PLA2R1: variants seen among roughly 807,000 people sequenced by gnomAD.
PLA2R1 encodes phospholipase A2 receptor 1, also known as secretory phospholipase A2 receptor.
Under a neutral mutation model 195.9 loss-of-function variants are expected in PLA2R1, and 158 were observed. That is an observed-to-expected ratio of 0.81 (90% CI 0.71 to 0.92). The LOEUF (loss-of-function observed/expected upper bound fraction) is 0.92. Among genes scored for constraint, PLA2R1 ranks in the 40% least tolerant of loss-of-function variants. PLA2R1 has a pLI of 0.00. For synonymous variants in PLA2R1, 586 were observed against 598.2 expected, an observed-to-expected ratio of 0.98 and a Z score of 0.30; for missense variants, 1,626 against 1,764.6, an observed-to-expected ratio of 0.92 and a Z score of 1.41.
At position 160,045,161 on chromosome 2, in the gene PLA2R1, A is replaced by G. The variant is rs1291565846; in HGVS notation, c.110-4T>C. 2 of 1,583,766 alleles carry G rather than the reference A, an allele frequency of 1.3e-6. No individual in the cohort carries two copies. Among genetic ancestry groups the G allele is most frequent in the Non-Finnish European group, 1.7e-6 (2 of 1,160,918 alleles). Reference sequence around the variant, plus strand: ...TGGATAACAAATATTCCTTTATCTGAAACAAAAATCAAAGATGTGGCATGA... The same window carrying G: ...TGGATAACAAATATTCCTTTATCTGGAACAAAAATCAAAGATGTGGCATGA... On this transcript the variant is annotated splice_polypyrimidine_tract_variant and splice_region_variant and intron_variant, in intron 1 of 29. Coordinates refer to ENST00000283243, the MANE Select transcript of PLA2R1 (RefSeq NM_007366.5).
chr2:159,995,997 CATCT>C (rs781310768), intron 11 of PLA2R1, among the ~76,000 whole-genome samples: 26 of 152,146 alleles, frequency 1.7e-4, no homozygotes, highest in East Asian at 7.7e-4. Flanking sequence ...ATCTATCTGT[CATCT>C]ATCTATCTAT....
chr2:160,018,170 T>C (rs998052177), intron 8 of PLA2R1, among the ~76,000 whole-genome samples: 3 of 152,150 alleles, frequency 2.0e-5, no homozygotes, highest in Non-Finnish European at 4.4e-5. Context: ...GGCAGCATTG[T>C]CCTGACATAT....
chr2:159,946,091 G>A (rs1687371837), intron 27 of PLA2R1: 1 of 863,220 alleles, frequency 1.2e-6, no homozygotes, highest in Non-Finnish European at 1.4e-6. Flanking sequence ...GGCGGTAGGA[G>A]AGTCCATCCC....
intron 11 of PLA2R1, among the ~76,000 whole-genome samples, chr2:159,989,249 T>C (rs1261568312): frequency 2.6e-5 from 4 of 152,218 alleles, no homozygotes; most frequent in Non-Finnish European, 5.9e-5. Flanking sequence ...AATGGAGCTT[T>C]GCAGGCCTGT....
intron 4 of PLA2R1, among the ~76,000 whole-genome samples, chr2:160,031,989 A>G (rs1204249972): frequency 1.3e-5 from 2 of 151,410 alleles, no homozygotes; most frequent in Admixed American, 1.3e-4. Context: ...CTGGTCTTGA[A>G]CTCTTGGCCT....
chr2:160,018,907 AT>A (rs1247973208), intron 8 of PLA2R1, among the ~76,000 whole-genome samples: 4 of 152,250 alleles, frequency 2.6e-5, no homozygotes, highest in South Asian at 2.1e-4. Context: ...CATCAGTAAC[AT>A]TTAATAAACT....
chr2:159,996,878 G>GT (rs966618966), intron 11 of PLA2R1, among the ~76,000 whole-genome samples: 29 of 151,668 alleles, frequency 1.9e-4, no homozygotes, highest in East Asian at 5.8e-4. Context: ...ATTTCTTTTT[G>GT]TTTTTTTTCT....
chr2:160,032,483 A>C (rs1163890395), intron 4 of PLA2R1, among the ~76,000 whole-genome samples: 1 of 152,194 alleles, frequency 6.6e-6, no homozygotes. Flanking sequence ...TAGTTAACAT[A>C]TATGTGCTTT....
In PLA2R1 at chr2:159,949,690, G is replaced by A. The variant is rs374812046; in HGVS notation, c.3627C>T (p.Cys1209=). 1.2e-5 allele frequency: 19 copies of A among 1,613,562 alleles called. No individual in the cohort carries two copies. The highest frequency in any genetic ancestry group is 3.3e-5 in the South Asian group (3 of 91,070). The change falls in exon 25 of 30, where the codon TGC becomes TGT. Residue 1209 remains cysteine (C), a synonymous_variant. Coordinates refer to ENST00000283243, the MANE Select transcript of PLA2R1 (RefSeq NM_007366.5). ...KDEESSLLGD[C]VFADSNGRWH... ...AGCGTCCGTTGCTGTCGGCAAAAAC[G>A]CAGTCACCAAGGAGGGAGGACTCCT... is the stretch of plus-strand genomic sequence containing the variant.
At chr2:159,952,752 C>T (rs1687827476) in intron 23 of PLA2R1, among the ~76,000 whole-genome samples, 1 of 152,182 alleles carries the variant, frequency 6.6e-6, no homozygotes, top group Admixed American at 6.5e-5. Flanking sequence ...TATGGAGACA[C>T]AGAAAGCATC....
downstream of PLA2R1, among the ~76,000 whole-genome samples, chr2:159,930,551 T>G (rs1038700555): frequency 2.0e-5 from 3 of 152,140 alleles, no homozygotes; most frequent in African/African-American, 7.2e-5. Flanking sequence ...TGGAAATTAT[T>G]AGATCCTCCT....
intron 11 of PLA2R1, among the ~76,000 whole-genome samples, chr2:160,005,225 T>C (rs1691893261): frequency 6.6e-6 from 1 of 152,022 alleles, no homozygotes; most frequent in African/African-American, 2.4e-5. Context: ...GAGGCCAAGG[T>C]GGGAGGATTG....
At chr2:160,016,475 G>T (rs1219882751) in intron 9 of PLA2R1, 139 bp downstream of exon 9, 3 of 586,132 alleles carry the variant, frequency 5.1e-6, no homozygotes, top group South Asian at 3.9e-5. Flanking sequence ...GAAAGAAGGG[G>T]GGGGTGCGAG....
intron 7 of PLA2R1, among the ~76,000 whole-genome samples, chr2:160,020,889 A>G (rs1693063317): frequency 6.6e-6 from 1 of 152,182 alleles, no homozygotes; most frequent in South Asian, 2.1e-4. Flanking sequence ...TAGGCCTTAT[A>G]AGTGAGGCAG....
intron 20 of PLA2R1, among the ~76,000 whole-genome samples, chr2:159,965,802 T>C (rs1210575339): frequency 1.3e-5 from 2 of 152,172 alleles, no homozygotes; most frequent in Non-Finnish European, 2.9e-5. Flanking sequence ...CTTGCCAGCA[T>C]GTAGTGTTGT....
In PLA2R1 at chr2:160,005,649, C is replaced by CA. The variant is rs1411323112; in HGVS notation, c.1834+2dup. ...GGTTGGTGATGCAGCACACTCTACT[C>CA]ACGCGGCTGGTGTGTGTTCCAGTGT... On this transcript the variant is annotated splice_region_variant and intron_variant, in intron 11 of 29. Transcript: ENST00000283243. 6.2e-7 allele frequency: 1 copy of CA among 1,612,196 alleles called. No homozygotes were observed. The highest frequency in any genetic ancestry group is 8.5e-7 in the Non-Finnish European group (1 of 1,178,808).
At chr2:159,980,324 C>G (rs1418474959) in intron 13 of PLA2R1, among the ~76,000 whole-genome samples, 2 of 152,144 alleles carry the variant, frequency 1.3e-5, no homozygotes, top group African/African-American at 4.8e-5. Flanking sequence ...GCCTTTCAGT[C>G]AGGACAAGAA....
Position 159,949,738 on chromosome 2 carries a change from A to C in PLA2R1, c.3579T>G (p.Ser1193=), listed in dbSNP as rs1166751391. The C allele has an allele frequency of 6.2e-7, 1 of 1,613,966 alleles. No individual in the cohort carries two copies. Among genetic ancestry groups the C allele is most frequent in the East Asian group, 2.2e-5 (1 of 44,878 alleles). The part of the protein sequence containing the change: ...LNFDWSDGTK[S]SFTFWKDEES... Reference sequence around the variant, plus strand: ...CCTCATCTTTCCAAAAAGTGAAAGAAGATTTGGTGCCATCAGACCAGTCAA... The same window carrying C: ...CCTCATCTTTCCAAAAAGTGAAAGACGATTTGGTGCCATCAGACCAGTCAA... The change falls in exon 25 of 30, where the codon TCT becomes TCG. Residue 1193 remains serine, a synonymous_variant. Transcript: ENST00000283243.
chr2:160,013,666 CCTCTCTCTTTCTCTCT>C (rs1341666752), intron 9 of PLA2R1, among the ~76,000 whole-genome samples: 2 of 95,108 alleles, frequency 2.1e-5, no homozygotes, highest in Admixed American at 2.1e-4. Flanking sequence ...AAGATCTCTA[CCTCTCTCTTTCTCTCT>C]CTCTCTCTCT....
Sources: gnomAD v4.1 joint callset for allele counts (sites outside exome capture counted in the v4.1 genomes callset) on GRCh38, gnomAD v4.1.1 for gene constraint, MANE v1.5 for transcripts, NCBI Gene and HGNC (gene_info 2026-07-23, HGNC 2026-07-21) for gene names.